UPF3A: variants seen among roughly 807,000 people sequenced by gnomAD.
UPF3A encodes the protein UPF3A regulator of nonsense mediated mRNA decay.
Under a neutral mutation model 53.5 loss-of-function variants are expected in UPF3A, and 42 were observed. That is an observed-to-expected ratio of 0.78 (90% CI 0.61 to 1.01). The LOEUF (loss-of-function observed/expected upper bound fraction) is 1.01. Among genes scored for constraint, UPF3A ranks in the 50% least tolerant of loss-of-function variants. The pLI is 0.00. For synonymous variants in UPF3A, 237 were observed against 225.3 expected, an observed-to-expected ratio of 1.05 and a Z score of -0.47; for missense variants, 575 against 598.0, an observed-to-expected ratio of 0.96 and a Z score of 0.40.
At chr13:114,282,767 GA>G (rs2084246540) in intron 2 of UPF3A, 69 bp from the exon 3 acceptor site, 1 of 1,554,830 alleles carries the variant, frequency 6.4e-7, no homozygotes, top group Non-Finnish European at 8.7e-7. Flanking sequence ...CCCAGAAAAG[GA>G]AAAAGAGGCT....
In UPF3A at chr13:114,284,010, G is replaced by C. The variant is rs77348665; in HGVS notation, c.421+1067G>C. ...TAGAAGCAAATGTGATGCTTGAACTGACCTTTGTGTTCATTGCTCATTTAT... is the reference window on the plus strand; with the variant it reads ...TAGAAGCAAATGTGATGCTTGAACTCACCTTTGTGTTCATTGCTCATTTAT... On this transcript the variant is annotated intron_variant, in intron 3 of 9. Transcript: ENST00000375299. 1.9e-4 allele frequency: 186 copies of C among 985,396 alleles called. No individual in the cohort carries two copies. In the African/African-American group the frequency reaches 3.0e-3, roughly 16 times the overall value. The allele number at this position is 985,396 out of a possible 1,614,324, so 61.0% of individuals were successfully genotyped here. A position where few individuals can be genotyped will look rare whatever the true frequency, so the allele number is the denominator to read the frequency against.
chr13:114,286,255 G>A (rs1229473987), intron 3 of UPF3A, 47 bp from the exon 4 acceptor site: 3 of 1,605,954 alleles, frequency 1.9e-6, no homozygotes, highest in Admixed American at 3.4e-5. Flanking sequence ...CGAAATGAAT[G>A]TAGTAGAATT....
At chr13:114,291,240 T>C (rs1594785231) in intron 5 of UPF3A, among the ~76,000 whole-genome samples, 1 of 152,206 alleles carries the variant, frequency 6.6e-6, no homozygotes, top group Non-Finnish European at 1.5e-5. Context: ...TACAAAAATA[T>C]CATCTTGGAA....
At chr13:114,286,227 A>G in intron 3 of UPF3A, 75 bp from the exon 4 acceptor site, 1 of 1,586,044 alleles carries the variant, frequency 6.3e-7, no homozygotes, top group Admixed American at 1.8e-5. Flanking sequence ...TCTTTAAGTA[A>G]GTTAGGTCAT....
At chr13:114,299,687 C>T (rs1442919282) in intron 8 of UPF3A, among the ~76,000 whole-genome samples, 1 of 152,242 alleles carries the variant, frequency 6.6e-6, no homozygotes, top group African/African-American at 2.4e-5. Context: ...AGATGCCAGT[C>T]AGGAGGGATC....
intron 7 of UPF3A, among the ~76,000 whole-genome samples, chr13:114,298,219 A>G (rs947984801): frequency 2.6e-5 from 4 of 151,898 alleles, no homozygotes; most frequent in African/African-American, 9.7e-5. Context: ...TAAAAATACA[A>G]AAAATTAGCT....
At chr13:114,292,529 C>A (rs1400445715) in intron 7 of UPF3A, among the ~76,000 whole-genome samples, 1 of 148,182 alleles carries the variant, frequency 6.7e-6, no homozygotes, top group East Asian at 2.0e-4. Flanking sequence ...CGGTTCAAGG[C>A]GTACACGTGC....
In UPF3A at chr13:114,305,088, C is replaced by A; in HGVS notation, c.*171C>A. Reference sequence around the variant, plus strand: ...AAACCATTCTAAAGAAAGTAGTGATCTTGTATTAAATTGAGCAGAATTCTC... The same window carrying A: ...AAACCATTCTAAAGAAAGTAGTGATATTGTATTAAATTGAGCAGAATTCTC... On this transcript the variant is annotated 3_prime_UTR_variant, in exon 10 of 10. Transcript: ENST00000375299. 1.3e-6 allele frequency: 1 copy of A among 763,848 alleles called. No individual in the cohort carries two copies. Among genetic ancestry groups the A allele is most frequent in the Non-Finnish European group, 2.1e-6 (1 of 472,312 alleles). The allele number at this position is 763,848 out of a possible 1,614,324, so 47.3% of individuals were successfully genotyped here.
In UPF3A at chr13:114,281,832, A is replaced by G. The variant is rs1430610505; in HGVS notation, c.193A>G (p.Thr65Ala). The G allele has an allele frequency of 2.0e-6, 3 of 1,515,386 alleles. No individual in the cohort carries two copies. The highest frequency in any genetic ancestry group is 1.8e-6 in the Non-Finnish European group (2 of 1,127,928). The allele number at this position is 1,515,386 out of a possible 1,614,324, so 93.9% of individuals were successfully genotyped here. ...GGGCAAACCTCGCGAGGAGAAGAGGACGGCCCTGAGCAAGGTGGGGACGGG... is the reference window on the plus strand; with the variant it reads ...GGGCAAACCTCGCGAGGAGAAGAGGGCGGCCCTGAGCAAGGTGGGGACGGG... ...GAGKPREEKRTALSKVVIRRL... is the reference protein window; with the variant it reads ...GAGKPREEKRAALSKVVIRRL... The change falls in exon 1 of 10, where the codon ACG becomes GCG. Residue 65 changes from threonine to alanine, a missense_variant. This residue lies in a region of UPF3A where 252 missense variants were observed against 182.7 expected (regional missense o/e 1.38). Transcript: ENST00000375299.
chr13:114,281,832 A>T lies in UPF3A; in HGVS notation c.193A>T (p.Thr65Ser). ...GAGKPREEKR[T>S]ALSKVVIRRL... ...GGGCAAACCTCGCGAGGAGAAGAGG[A>T]CGGCCCTGAGCAAGGTGGGGACGGG... The change falls in exon 1 of 10, where the codon ACG (threonine) becomes TCG (serine). Residue 65 changes from threonine to serine, a missense_variant. Thr to Ser is a moderately conservative substitution (Grantham distance 58). Coordinates refer to ENST00000375299, the MANE Select transcript of UPF3A (RefSeq NM_023011.4). 1 of 1,515,492 alleles carries T rather than the reference A, an allele frequency of 6.6e-7. No homozygotes were observed. Among genetic ancestry groups the T allele is most frequent in the Non-Finnish European group, 8.9e-7 (1 of 1,127,922 alleles). The allele number at this position is 1,515,492 out of a possible 1,614,324, so 93.9% of individuals were successfully genotyped here.
intron 5 of UPF3A, among the ~76,000 whole-genome samples, chr13:114,289,673 G>A (rs1185496721): frequency 3.9e-5 from 6 of 152,192 alleles, no homozygotes; most frequent in Non-Finnish European, 8.8e-5. Flanking sequence ...AAGGACTCTG[G>A]AGTTGTTGAG....
intron 7 of UPF3A, among the ~76,000 whole-genome samples, chr13:114,298,588 C>CTA (rs2086288129): frequency 6.6e-6 from 1 of 152,102 alleles, no homozygotes; most frequent in Non-Finnish European, 1.5e-5. Context: ...TGTTTTTTAG[C>CTA]CCTTTATTCA....
chr13:114,292,030 A>G (rs994263990), intron 7 of UPF3A, among the ~76,000 whole-genome samples: 2 of 150,938 alleles, frequency 1.3e-5, no homozygotes, highest in African/African-American at 2.4e-5. Context: ...CTGGGTGTGC[A>G]GTGGGGAGCA....
At chr13:114,288,922 C>T (rs1274881494) in intron 5 of UPF3A, among the ~76,000 whole-genome samples, 1 of 152,200 alleles carries the variant, frequency 6.6e-6, no homozygotes, top group Non-Finnish European at 1.5e-5. Context: ...CAGGCCTCAT[C>T]TCCCTGCCCC....
chr13:114,285,508 T>C (rs984668723), intron 3 of UPF3A: 16 of 152,110 alleles, frequency 1.1e-4, no homozygotes, highest in African/African-American at 3.6e-4. Flanking sequence ...ATCTCCCAGT[T>C]AAAGGAATTA....
intron 7 of UPF3A, among the ~76,000 whole-genome samples, chr13:114,295,448 C>T (rs1036701404): frequency 1.4e-5 from 1 of 69,428 alleles, no homozygotes; most frequent in Non-Finnish European, 3.0e-5. Flanking sequence ...GCTGGTTTCT[C>T]ATGAATGCAC....
intron 7 of UPF3A, among the ~76,000 whole-genome samples, chr13:114,297,432 T>A (rs184777470): frequency 1.7e-3 from 256 of 152,310 alleles, no homozygotes; most frequent in African/African-American, 4.3e-3. Context: ...AGCAGCCTTT[T>A]AAAAATTTTT....
intron 7 of UPF3A, among the ~76,000 whole-genome samples, chr13:114,298,565 G>T (rs2086285401): frequency 6.6e-6 from 1 of 152,152 alleles, no homozygotes; most frequent in South Asian, 2.1e-4. Context: ...AAGTGAGATT[G>T]TGGTGCATGT....
intron 4 of UPF3A, 38 bp downstream of exon 4, chr13:114,286,438 A>G (rs202055731): frequency 1.2e-6 from 2 of 1,612,924 alleles, no homozygotes; most frequent in East Asian, 2.2e-5. Context: ...GAAGCTGCCA[A>G]ATTAAGAACA....
Sources: allele counts gnomAD v4.1 joint callset (sites outside exome capture counted in the v4.1 genomes callset), GRCh38; gene constraint gnomAD v4.1.1; regional missense constraint gnomAD v4.1.1; transcripts MANE v1.5; gene names NCBI Gene and HGNC (gene_info 2026-07-23, HGNC 2026-07-21).